Variants in AIG1 observed in about 807,000 individuals in gnomAD.
AIG1 encodes androgen induced 1.
AIG1 carries 23 observed loss-of-function variants against 31.4 expected under a neutral mutation model. The observed-to-expected ratio is 0.73, with a 90% CI of 0.53 to 1.04. The LOEUF is 1.04. Ranked by LOEUF, AIG1 falls within the 50% of genes least tolerant of loss-of-function variation. The pLI is 0.00. For synonymous variants in AIG1, 100 were observed against 110.5 expected, an observed-to-expected ratio of 0.90 and a Z score of 0.60; for missense variants, 274 against 295.0, an observed-to-expected ratio of 0.93 and a Z score of 0.52.
chr6:143,257,224 C>T (rs541153065), intron 3 of AIG1, among the ~76,000 whole-genome samples: 3 of 152,280 alleles, frequency 2.0e-5, no homozygotes, highest in East Asian at 3.9e-4. Context: ...TGGTCTCATC[C>T]ATTCCTGGAG....
intron 3 of AIG1, among the ~76,000 whole-genome samples, chr6:143,183,926 G>A (rs1788977946): frequency 6.6e-6 from 1 of 152,214 alleles, no homozygotes; most frequent in Non-Finnish European, 1.5e-5. Flanking sequence ...TTTCTTGGCA[G>A]AAGTCCATAC....
intron 1 of AIG1, among the ~76,000 whole-genome samples, chr6:143,097,074 T>A (rs1472898151): frequency 1.3e-5 from 2 of 152,120 alleles, no homozygotes; most frequent in African/African-American, 4.8e-5. Flanking sequence ...ATTTAAAAAA[T>A]TGCCATTAGT....
intron 1 of AIG1, among the ~76,000 whole-genome samples, chr6:143,104,493 A>G (rs143151042): frequency 5.4e-4 from 83 of 152,322 alleles, no homozygotes; most frequent in African/African-American, 1.9e-3. Context: ...TTGTAGTTCC[A>G]AAGACCTTTG....
At chr6:143,108,398 G>A (rs1052384249) in intron 1 of AIG1, among the ~76,000 whole-genome samples, 8 of 152,128 alleles carry the variant, frequency 5.3e-5, no homozygotes, top group Admixed American at 5.2e-4. Context: ...TGACCACGAT[G>A]GTCAAATGTT....
chr6:143,086,177 C>T lies in AIG1; in HGVS notation c.141+25111C>T, dbSNP rs147586777. 5.0e-3 allele frequency among the ~76,000 whole-genome samples: 757 copies of T among 152,202 alleles called. 9 individuals carry two copies. Among genetic ancestry groups the T allele is most frequent in the African/African-American group, 0.018 (728 of 41,520 alleles). On this transcript the variant is annotated intron_variant, in intron 1 of 5. Transcript: ENST00000357847. ...ATAAGGATTTTTGATAGGAAGGCTA[C>T]GGGTTGTCAGTGGTTTCACTGTTTT...
chr6:143,226,008 T>C (rs1456511182), intron 3 of AIG1, among the ~76,000 whole-genome samples: 2 of 152,186 alleles, frequency 1.3e-5, no homozygotes. Context: ...AAAAAATTGC[T>C]CCAGATCTCT....
chr6:143,323,351 C>T (rs1776367863), intron 4 of AIG1, among the ~76,000 whole-genome samples: 2 of 152,104 alleles, frequency 1.3e-5, no homozygotes, highest in African/African-American at 4.8e-5. Context: ...CATAAGCCTG[C>T]CCCATGTATA....
rs1798649526 is a variant in AIG1 at position 143,299,129 on chromosome 6, G to A, written c.515+14904G>A. On this transcript the variant is annotated intron_variant, in intron 4 of 5. Transcript: ENST00000357847. The surrounding 1 kb of genome is among the most constrained non-coding windows in gnomAD (Gnocchi z 4.1). Reference sequence around the variant, plus strand: ...GGTCTATGACTCTCTCCTTGACAGAGGTGATCAACTGACTGTGAGGGAGCT... The same window carrying A: ...GGTCTATGACTCTCTCCTTGACAGAAGTGATCAACTGACTGTGAGGGAGCT... The A allele has an allele frequency of 2.0e-5, 3 of 152,364 alleles. No homozygotes were observed. Among genetic ancestry groups the A allele is most frequent in the African/African-American group, 4.8e-5 (2 of 41,560 alleles). The allele number at this position is 152,364 out of a possible 1,614,324, so 9.4% of individuals were successfully genotyped here.
At position 143,258,674 on chromosome 6, in the gene AIG1, A is replaced by G. The variant is rs1583648472; in HGVS notation, c.400-25436A>G. On this transcript the variant is annotated intron_variant, in intron 3 of 5. Transcript: ENST00000357847. This position sits in a 1 kb window ranked among gnomAD's most constrained non-coding sequence, Gnocchi z 4.7. ...GTTGAGGCAAAGAGACATTTTGAAGAGTATAAATGAAAGCTTAACTTGAAA... is the reference window on the plus strand; with the variant it reads ...GTTGAGGCAAAGAGACATTTTGAAGGGTATAAATGAAAGCTTAACTTGAAA... 6.6e-6 allele frequency among the ~76,000 whole-genome samples: 1 copy of G among 152,364 alleles called. No individual in the cohort carries two copies. Among genetic ancestry groups the G allele is most frequent in the Middle Eastern group, 3.4e-3 (1 of 294 alleles).
chr6:143,211,770 G>A (rs912111310), intron 3 of AIG1, among the ~76,000 whole-genome samples: 2 of 152,036 alleles, frequency 1.3e-5, no homozygotes. Context: ...GCACACGCTT[G>A]TAAGCCCAGT....
At chr6:143,238,721 A>G (rs1316711630) in intron 3 of AIG1, among the ~76,000 whole-genome samples, 1 of 152,252 alleles carries the variant, frequency 6.6e-6, no homozygotes, top group Non-Finnish European at 1.5e-5. Context: ...GTTTGAAGGA[A>G]CTGTAATGAG....
intron 3 of AIG1, chr6:143,189,405 CTTATT>C (rs1789583714): frequency 1.0e-6 from 1 of 980,006 alleles, no homozygotes; most frequent in African/African-American, 1.7e-5. Context: ...TATATAGTAA[CTTATT>C]TTAAGAATAG....
intron 3 of AIG1, among the ~76,000 whole-genome samples, chr6:143,172,498 G>A (rs905115155): frequency 3.3e-5 from 5 of 152,112 alleles, no homozygotes; most frequent in Admixed American, 1.3e-4. Context: ...TTGCATCTAT[G>A]TTCATCAGGA....
At chr6:143,137,714 T>C (rs1373365562) in intron 2 of AIG1, among the ~76,000 whole-genome samples, 2 of 152,222 alleles carry the variant, frequency 1.3e-5, no homozygotes, top group African/African-American at 4.8e-5. Context: ...TAATTTTCCA[T>C]TGTCTGCACA....
At chr6:143,104,821 T>C (rs1780646761) in intron 1 of AIG1, among the ~76,000 whole-genome samples, 1 of 151,986 alleles carries the variant, frequency 6.6e-6, no homozygotes, top group South Asian at 2.1e-4. Context: ...GGAGGATTGC[T>C]TGAGCCTAGG....
chr6:143,124,628 C>T (rs1045950990), intron 1 of AIG1, among the ~76,000 whole-genome samples: 3 of 152,136 alleles, frequency 2.0e-5, no homozygotes, highest in Admixed American at 6.5e-5. Flanking sequence ...TGAAGAAATA[C>T]CCGAGGGTAA....
rs893203160 is a variant in AIG1, at chr6:143,279,507, G to A, written c.400-4603G>A. The stretch of plus-strand genomic sequence containing the variant: ...CCTTTTTCTTGTCCCATCTGCTTCC[G>A]AGTCTTCACATCAGAATTAATCATG... On this transcript the variant is annotated intron_variant, in intron 3 of 5. Coordinates refer to ENST00000357847, the MANE Select transcript of AIG1 (RefSeq NM_016108.4). This position sits in a 1 kb window ranked among gnomAD's most constrained non-coding sequence, Gnocchi z 5.4. Among the ~76,000 whole-genome samples the A allele has an allele frequency of 1.3e-5, 2 of 152,002 alleles. No homozygotes were observed. The highest frequency in any genetic ancestry group is 4.8e-5 in the African/African-American group (2 of 41,362).
At chr6:143,160,690 G>T (rs1025838188) in intron 2 of AIG1, among the ~76,000 whole-genome samples, 3 of 152,184 alleles carry the variant, frequency 2.0e-5, no homozygotes, top group African/African-American at 7.2e-5. Context: ...TGCCCTGGTA[G>T]GAGAGTTCAA....
intron 2 of AIG1, among the ~76,000 whole-genome samples, chr6:143,161,996 C>G (rs1347666500): frequency 6.6e-6 from 1 of 152,084 alleles, no homozygotes; most frequent in Non-Finnish European, 1.5e-5. Context: ...AAGGGAAAAA[C>G]ACTGTCTTTA....
Sources: gnomAD v4.1 joint callset for allele counts (sites outside exome capture counted in the v4.1 genomes callset) on GRCh38, gnomAD v4.1.1 for gene constraint, Gnocchi (gnomAD v3.1) non-coding constraint, MANE v1.5 for transcripts, NCBI Gene and HGNC (gene_info 2026-07-23, HGNC 2026-07-21) for gene names.